The following PPARGC1A variants were observed in gnomAD, a reference collection of about 807,000 sequenced individuals.
The protein encoded by PPARGC1A is PPARG coactivator 1 alpha.
In PPARGC1A, 25 loss-of-function variants were observed where a neutral mutation model predicts 88.7. The observed-to-expected ratio is 0.28, with a 90% confidence interval of 0.21 to 0.39. The LOEUF (loss-of-function observed/expected upper bound fraction) is 0.39, where lower values mean the gene tolerates loss of function less well. Ranked by LOEUF, PPARGC1A falls within the 10% of genes least tolerant of loss-of-function variation. PPARGC1A has a pLI of 1.00. For synonymous variants in PPARGC1A, 363 were observed against 355.6 expected, an observed-to-expected ratio of 1.02 and a Z score of -0.24; for missense variants, 880 against 968.7, an observed-to-expected ratio of 0.91 and a Z score of 1.22.
the PPARGC1A span, among the ~76,000 whole-genome samples, chr4:24,397,279 AT>A: frequency 2.6e-5 from 4 of 152,314 alleles, no homozygotes; most frequent in Admixed American, 2.0e-4. Flanking sequence ...GAACCGGCCA[AT>A]TTTCCTGAAA....
the PPARGC1A span, among the ~76,000 whole-genome samples, chr4:24,414,535 C>T: frequency 6.6e-6 from 1 of 152,130 alleles, no homozygotes; most frequent in Middle Eastern, 3.2e-3. Flanking sequence ...TATGATCACC[C>T]TAGTTCAGTG....
At chr4:24,297,391 T>G in the PPARGC1A span, among the ~76,000 whole-genome samples, 1 of 152,144 alleles carries the variant, frequency 6.6e-6, no homozygotes, top group African/African-American at 2.4e-5. Flanking sequence ...TTCTCGGAAA[T>G]GTACTTTCAA....
chr4:23,956,371 G>C, the PPARGC1A span, among the ~76,000 whole-genome samples: 1 of 152,046 alleles, frequency 6.6e-6, no homozygotes, highest in African/African-American at 2.4e-5. Context: ...TTGGGACCAC[G>C]ATCTCAGTAG....
At chr4:24,196,706 G>C in the PPARGC1A span, among the ~76,000 whole-genome samples, 13 of 152,312 alleles carry the variant, frequency 8.5e-5, no homozygotes, top group South Asian at 2.3e-3. Flanking sequence ...ATTCCTGACA[G>C]TCTTCATTTG....
the PPARGC1A span, among the ~76,000 whole-genome samples, chr4:23,948,608 T>G: frequency 6.6e-6 from 1 of 152,156 alleles, no homozygotes. Flanking sequence ...GTCTTGAACT[T>G]GAATTTGCAG....
At chr4:24,173,722 G>C in the PPARGC1A span, among the ~76,000 whole-genome samples, 5 of 152,194 alleles carry the variant, frequency 3.3e-5, no homozygotes. Context: ...CAGCAGCTCA[G>C]TAATCTTGAG....
the PPARGC1A span, among the ~76,000 whole-genome samples, chr4:23,979,488 T>C: frequency 1.6e-4 from 25 of 152,248 alleles, no homozygotes; most frequent in African/African-American, 5.8e-4. Flanking sequence ...GGCTTACAAT[T>C]TGGGGGATGG....
chr4:24,059,187 A>AATGATTT, the PPARGC1A span, among the ~76,000 whole-genome samples: 1 of 152,194 alleles, frequency 6.6e-6, no homozygotes, highest in South Asian at 2.1e-4. Context: ...TATCATTCAT[A>AATGATTT]ATGATTTACC....
intron 2 of PPARGC1A, among the ~76,000 whole-genome samples, chr4:23,839,039 T>C (rs540214356): frequency 6.6e-6 from 1 of 152,238 alleles, no homozygotes; most frequent in Non-Finnish European, 1.5e-5. Flanking sequence ...ATAAACAAAA[T>C]TGAAGAATTC....
the PPARGC1A span, among the ~76,000 whole-genome samples, chr4:24,290,188 C>T: frequency 2.0e-5 from 3 of 152,104 alleles, no homozygotes. Flanking sequence ...GGGACACAGC[C>T]AAACCATATC....
chr4:23,880,228 T>C (rs757352546), intron 2 of PPARGC1A, among the ~76,000 whole-genome samples: 2 of 152,234 alleles, frequency 1.3e-5, no homozygotes, highest in Non-Finnish European at 2.9e-5. Context: ...TATATTTGTA[T>C]ACACAGCCTT....
At chr4:23,869,678 G>A (rs1232795359) in intron 2 of PPARGC1A, among the ~76,000 whole-genome samples, 3 of 145,562 alleles carry the variant, frequency 2.1e-5, no homozygotes, top group Admixed American at 2.1e-4. Context: ...CGGCGGGGTG[G>A]GCGGGGGGGC....
At chr4:24,152,409 T>C in the PPARGC1A span, among the ~76,000 whole-genome samples, 110 of 152,256 alleles carry the variant, frequency 7.2e-4, no homozygotes, top group African/African-American at 2.4e-3. Context: ...CCAACATCCA[T>C]GGAGAGAAAG....
At chr4:24,103,595 C>CAAAAAAAAAAAAA in the PPARGC1A span, among the ~76,000 whole-genome samples, 4 of 121,584 alleles carry the variant, frequency 3.3e-5, no homozygotes, top group South Asian at 8.2e-4. Context: ...TGCCTTCTTC[C>CAAAAAAAAAAAAA]AAAAAAAAAA....
the PPARGC1A span, among the ~76,000 whole-genome samples, chr4:24,315,837 A>G: frequency 6.6e-6 from 1 of 152,216 alleles, no homozygotes; most frequent in East Asian, 1.9e-4. Context: ...CATCATTTGT[A>G]GATTAGACTG....
chr4:23,886,123 G>C (rs1288498074), intron 1 of PPARGC1A, among the ~76,000 whole-genome samples: 3 of 152,150 alleles, frequency 2.0e-5, no homozygotes, highest in African/African-American at 4.8e-5. Flanking sequence ...TCATCCACCT[G>C]TAAGTGGGGG....
chr4:23,874,772 T>C (rs939338395), intron 2 of PPARGC1A, among the ~76,000 whole-genome samples: 1 of 152,214 alleles, frequency 6.6e-6, no homozygotes, highest in Non-Finnish European at 1.5e-5. Context: ...AATCATAAGC[T>C]GTCACAGCAA....
the PPARGC1A span, among the ~76,000 whole-genome samples, chr4:24,368,171 C>A: frequency 6.6e-6 from 1 of 152,120 alleles, no homozygotes; most frequent in Non-Finnish European, 1.5e-5. Context: ...TCGTCTTAAC[C>A]AACTGGGTCA....
At chr4:24,008,446 C>A in the PPARGC1A span, among the ~76,000 whole-genome samples, 1 of 151,982 alleles carries the variant, frequency 6.6e-6, no homozygotes, top group Non-Finnish European at 1.5e-5. Flanking sequence ...CTGTGAATTG[C>A]GATTTGATGA....
Sources: gnomAD v4.1 joint callset for allele counts (sites outside exome capture counted in the v4.1 genomes callset) on GRCh38, gnomAD v4.1.1 for gene constraint, MANE v1.5 for transcripts, NCBI Gene and HGNC (gene_info 2026-07-23, HGNC 2026-07-21) for gene names.